TMEM108: variants seen among roughly 807,000 people sequenced by gnomAD.
The protein encoded by TMEM108 is cancer/testis antigen 124.
Under a neutral mutation model 35.1 loss-of-function variants are expected in TMEM108, and 12 were observed. The ratio of observed to expected loss-of-function variants is 0.34; its 90% CI spans 0.22 to 0.55. The LOEUF (loss-of-function observed/expected upper bound fraction) is 0.55. Ranked by LOEUF, TMEM108 falls within the 20% of genes least tolerant of loss-of-function variation. TMEM108 has a pLI of 0.89. For missense variants in TMEM108, 680 were observed against 753.3 expected, an observed-to-expected ratio of 0.90 and a Z score of 1.14; for synonymous variants, 287 against 308.6, an observed-to-expected ratio of 0.93 and a Z score of 0.73.
At chr3:133,082,687 T>C (rs1431363413) in intron 2 of TMEM108, among the ~76,000 whole-genome samples, 1 of 152,148 alleles carries the variant, frequency 6.6e-6, no homozygotes, top group Non-Finnish European at 1.5e-5. Flanking sequence ...GGTCTCACCC[T>C]GTCTGCCAGG....
intron 3 of TMEM108, among the ~76,000 whole-genome samples, chr3:133,275,100 AAG>A (rs1946821004): frequency 6.6e-6 from 1 of 152,222 alleles, no homozygotes; most frequent in Non-Finnish European, 1.5e-5. Context: ...GGGGAGGGGA[AAG>A]AGCGCTAGAT....
intron 2 of TMEM108, among the ~76,000 whole-genome samples, chr3:133,085,916 A>G (rs1446362040): frequency 1.3e-5 from 2 of 152,148 alleles, no homozygotes; most frequent in African/African-American, 4.8e-5. Context: ...TTAGAGTGAG[A>G]CTTATTTTGG....
At chr3:133,138,059 T>G (rs1281427235) in intron 2 of TMEM108, among the ~76,000 whole-genome samples, 2 of 152,216 alleles carry the variant, frequency 1.3e-5, no homozygotes, top group Non-Finnish European at 2.9e-5. Flanking sequence ...GGATGGCAAT[T>G]GGAACTGGAG....
At chr3:133,098,635 AC>A (rs879810902) in intron 2 of TMEM108, among the ~76,000 whole-genome samples, 8 of 152,206 alleles carry the variant, frequency 5.3e-5, no homozygotes, top group Non-Finnish European at 7.4e-5. Context: ...CAATGGGGGT[AC>A]AGGTATTGGG....
In TMEM108 at chr3:133,135,478, CG is replaced by C. The variant is rs1315501751; in HGVS notation, c.-47+89461del. On this transcript the variant is annotated intron_variant, in intron 2 of 5. Coordinates refer to ENST00000321871, the MANE Select transcript of TMEM108 (RefSeq NM_023943.4). ...AGCTCAGTGGGCTGGAGCTTAGGCG[CG>C]GGTTGGTGCCAGATGGAGCTAGAGA... Among the ~76,000 whole-genome samples, 4 of 152,168 alleles carry C rather than the reference CG, an allele frequency of 2.6e-5. 1 individual carries two copies. The East Asian group carries it at 7.7e-4, about 29-fold the overall frequency.
At chr3:133,086,519 A>G (rs1319329899) in intron 2 of TMEM108, among the ~76,000 whole-genome samples, 1 of 152,200 alleles carries the variant, frequency 6.6e-6, no homozygotes. Flanking sequence ...GTATAAGACA[A>G]ATACAAAAAC....
At chr3:133,100,385 A>C (rs1944072279) in intron 2 of TMEM108, among the ~76,000 whole-genome samples, 1 of 152,164 alleles carries the variant, frequency 6.6e-6, no homozygotes, top group African/African-American at 2.4e-5. Context: ...AGATTGCTTG[A>C]GCCCATGAAT....
At chr3:133,121,670 C>T (rs192249328) in intron 2 of TMEM108, among the ~76,000 whole-genome samples, 59 of 152,192 alleles carry the variant, frequency 3.9e-4, no homozygotes, top group Admixed American at 2.6e-3. Context: ...TACTGAAAAC[C>T]GTCACAACAG....
chr3:133,192,144 T>TTGGA (rs1289744930), intron 2 of TMEM108, among the ~76,000 whole-genome samples: 3 of 151,996 alleles, frequency 2.0e-5, no homozygotes, highest in African/African-American at 7.3e-5. Flanking sequence ...GGAGGAAGAG[T>TTGGA]TACAATTGCA....
chr3:133,096,379 T>A (rs779316764), intron 2 of TMEM108, among the ~76,000 whole-genome samples: 46 of 152,206 alleles, frequency 3.0e-4, no homozygotes, highest in Admixed American at 1.0e-3. Flanking sequence ...CAGGCTGGTC[T>A]CAAACTCCTC....
At chr3:133,343,574 G>C (rs1010175049) in intron 3 of TMEM108, among the ~76,000 whole-genome samples, 4 of 151,840 alleles carry the variant, frequency 2.6e-5, no homozygotes, top group African/African-American at 9.7e-5. Flanking sequence ...TTTGTGCAAA[G>C]ACATGAATAA....
chr3:133,312,369 G>A (rs1290072134), intron 3 of TMEM108, among the ~76,000 whole-genome samples: 16 of 152,336 alleles, frequency 1.1e-4, no homozygotes, highest in Admixed American at 6.5e-4. Context: ...AGGCCTTGCT[G>A]AGCTGTGGTG....
Position 133,395,951 on chromosome 3 carries a change from CTGTT to C in TMEM108, c.1697_1700del (p.Phe566TrpfsTer40). 3 of 1,605,582 alleles carry C rather than the reference CTGTT, an allele frequency of 1.9e-6. No homozygotes were observed. The highest frequency in any genetic ancestry group is 2.6e-6 in the Non-Finnish European group (3 of 1,176,422). On this transcript the variant is annotated frameshift_variant, in exon 6 of 6. Coordinates refer to ENST00000321871, the MANE Select transcript of TMEM108 (RefSeq NM_023943.4). LOFTEE classifies it high-confidence loss of function. ...TGTTAACCCCTTCTGTCAAGAAACACTGTTTGTGGGAAACGATCAAGTATCTGAG... is the reference window on the plus strand; with the variant it reads ...TGTTAACCCCTTCTGTCAAGAAACACTGTGGGAAACGATCAAGTATCTGAG...
chr3:133,167,075 A>T (rs1362045299), intron 2 of TMEM108, among the ~76,000 whole-genome samples: 2 of 152,204 alleles, frequency 1.3e-5, no homozygotes, highest in Non-Finnish European at 2.9e-5. Context: ...AGCTAGACAC[A>T]GAATGCTGAT....
rs547632367 is a variant in TMEM108, at chr3:133,350,959, T to C, written c.41-28793T>C. The stretch of plus-strand genomic sequence containing the variant: ...TATGACATTGACATCCAGGATTCCC[T>C]AAGTTATATTACAAAGCCTGTTTCT... On this transcript the variant is annotated intron_variant, in intron 3 of 5. Coordinates refer to ENST00000321871, the MANE Select transcript of TMEM108 (RefSeq NM_023943.4). Among the ~76,000 whole-genome samples, 489 of 152,308 alleles carry C rather than the reference T, an allele frequency of 3.2e-3. 2 individuals carry two copies. Among genetic ancestry groups the C allele is most frequent in the Non-Finnish European group, 5.0e-3 (338 of 68,006 alleles).
At chr3:133,052,296 A>G (rs1000231873) in intron 2 of TMEM108, among the ~76,000 whole-genome samples, 1 of 152,050 alleles carries the variant, frequency 6.6e-6, no homozygotes, top group Non-Finnish European at 1.5e-5. Context: ...TATTGCTGAT[A>G]TGTAGGAAAA....
chr3:133,138,551 G>A (rs1444469119), intron 2 of TMEM108, among the ~76,000 whole-genome samples: 2 of 151,774 alleles, frequency 1.3e-5, no homozygotes, highest in African/African-American at 4.8e-5. Flanking sequence ...TGTATTTTAT[G>A]TGTGGCCCAA....
At chr3:133,077,007 C>T (rs1294009317) in intron 2 of TMEM108, among the ~76,000 whole-genome samples, 2 of 152,218 alleles carry the variant, frequency 1.3e-5, no homozygotes, top group Non-Finnish European at 2.9e-5. Context: ...GCCTCAGTTC[C>T]TCACATGAGA....
chr3:133,324,023 A>G (rs2370407), intron 3 of TMEM108, among the ~76,000 whole-genome samples: 1 of 151,996 alleles, frequency 6.6e-6, no homozygotes. Flanking sequence ...ACAAAAATCA[A>G]CTCAAGATAG....
Sources: gnomAD v4.1 joint callset for allele counts (sites outside exome capture counted in the v4.1 genomes callset) on GRCh38, gnomAD v4.1.1 for gene constraint, MANE v1.5 for transcripts, NCBI Gene and HGNC (gene_info 2026-07-23, HGNC 2026-07-21) for gene names.